The following ZNF362 variants were observed in gnomAD, a reference collection of about 807,000 sequenced individuals.
ZNF362 encodes the protein zinc finger protein 362.
In ZNF362, 11 loss-of-function variants were observed where a neutral mutation model predicts 42.9. The ratio of observed to expected loss-of-function variants is 0.26; its 90% CI spans 0.16 to 0.42. The LOEUF (loss-of-function observed/expected upper bound fraction) is 0.42, where lower values mean the gene tolerates loss of function less well. Ranked by LOEUF, ZNF362 falls within the 20% of genes least tolerant of loss-of-function variation. The probability of loss-of-function intolerance (pLI) is 1.00; values close to 1 mark genes in which losing one functional copy is unlikely to be tolerated. For missense variants in ZNF362, 362 were observed against 576.2 expected, an observed-to-expected ratio of 0.63 and a Z score of 3.81; for synonymous variants, 255 against 257.3, an observed-to-expected ratio of 0.99 and a Z score of 0.09.
At chr1:33,173,692 T>C in the ZNF362 span, among the ~76,000 whole-genome samples, 11 of 131,242 alleles carry the variant, frequency 8.4e-5, no homozygotes, top group African/African-American at 2.0e-4. Flanking sequence ...TTTTTTTTTT[T>C]CCCTAATTAA....
chr1:33,165,622 C>T, the ZNF362 span: 1 of 1,456,108 alleles, frequency 6.9e-7, no homozygotes, highest in Non-Finnish European at 9.3e-7. This position sits in a 1 kb window ranked among gnomAD's most constrained non-coding sequence, Gnocchi z 4.0. Flanking sequence ...CCCAGGCATT[C>T]AGCCCTGACC....
chr1:33,261,005 G>A (rs376075397), intron 1 of ZNF362, among the ~76,000 whole-genome samples: 1 of 152,110 alleles, frequency 6.6e-6, no homozygotes, highest in African/African-American at 2.4e-5. Context: ...CAGAGGGCTC[G>A]CTTTGTGCCA....
chr1:33,175,307 G>A, the ZNF362 span, among the ~76,000 whole-genome samples: 2 of 151,920 alleles, frequency 1.3e-5, no homozygotes, highest in Non-Finnish European at 2.9e-5. Context: ...CTCCTGAAGT[G>A]CTGGGATTAC....
At chr1:33,276,264 A>G (rs1416240036) in intron 3 of ZNF362, 84 bp from the exon 4 acceptor site, 16 of 1,571,322 alleles carry the variant, frequency 1.0e-5, no homozygotes, top group Non-Finnish European at 1.4e-5. Flanking sequence ...GTGAGGAGCG[A>G]GGGGCTCGCG....
chr1:33,187,154 A>G, the ZNF362 span, among the ~76,000 whole-genome samples: 1 of 152,174 alleles, frequency 6.6e-6, no homozygotes, highest in Non-Finnish European at 1.5e-5. Flanking sequence ...TTTATACACC[A>G]TGTTTGAGTG....
chr1:33,180,962 C>A, the ZNF362 span: 1 of 495,868 alleles, frequency 2.0e-6, no homozygotes, highest in Non-Finnish European at 3.6e-6. Flanking sequence ...CTGACCCCAC[C>A]CCCCGCCCGG....
At chr1:33,241,877 T>C in the ZNF362 span, among the ~76,000 whole-genome samples, 3 of 152,134 alleles carry the variant, frequency 2.0e-5, no homozygotes, top group African/African-American at 7.2e-5. Context: ...TGCCTGGCCC[T>C]GAAATTATTT....
At chr1:33,208,594 C>A in the ZNF362 span, among the ~76,000 whole-genome samples, 34 of 152,226 alleles carry the variant, frequency 2.2e-4, no homozygotes, top group Non-Finnish European at 2.6e-4. Context: ...TTTGTGTCCT[C>A]TTTTATTTTG....
At chr1:33,170,439 G>A in the ZNF362 span, among the ~76,000 whole-genome samples, 1 of 152,102 alleles carries the variant, frequency 6.6e-6, no homozygotes, top group Non-Finnish European at 1.5e-5. Flanking sequence ...GGGCTCTTGA[G>A]GGCAAGGACT....
At chr1:33,251,213 C>T in the ZNF362 span, among the ~76,000 whole-genome samples, 1 of 152,322 alleles carries the variant, frequency 6.6e-6, no homozygotes, top group Admixed American at 6.5e-5. Context: ...CCATGGTGAA[C>T]ATGCTGGGGA....
intron 4 of ZNF362, among the ~76,000 whole-genome samples, 172 bp from the exon 5 acceptor site, chr1:33,279,952 T>C (rs1645979171): frequency 6.6e-6 from 1 of 152,238 alleles, no homozygotes; most frequent in Non-Finnish European, 1.5e-5. Flanking sequence ...AATTTAATCT[T>C]AAGGTGTCTA....
At chr1:33,259,875 T>C (rs890170576) in intron 1 of ZNF362, among the ~76,000 whole-genome samples, 1 of 152,234 alleles carries the variant, frequency 6.6e-6, no homozygotes, top group Non-Finnish European at 1.5e-5. Flanking sequence ...GTCCTGAGAT[T>C]AGGTCCCATT....
chr1:33,136,695 C>T, the ZNF362 span, among the ~76,000 whole-genome samples: 1 of 151,302 alleles, frequency 6.6e-6, no homozygotes, highest in Non-Finnish European at 1.5e-5. Flanking sequence ...GGTTCCCCAA[C>T]AACTGTCTAT....
At chr1:33,164,950 A>G in the ZNF362 span, 1 of 108,170 alleles carries the variant, frequency 9.2e-6, no homozygotes, top group Non-Finnish European at 1.9e-5. Flanking sequence ...GCCTGGCTAT[A>G]TTCAATTTTT....
chr1:33,223,893 CAAA>C, the ZNF362 span, among the ~76,000 whole-genome samples: 6 of 85,416 alleles, frequency 7.0e-5, no homozygotes, highest in East Asian at 2.9e-4. Flanking sequence ...AACTCCATCT[CAAA>C]AAAAAAAAAA....
At chr1:33,187,339 T>A in the ZNF362 span, among the ~76,000 whole-genome samples, 1 of 152,222 alleles carries the variant, frequency 6.6e-6, no homozygotes, top group Non-Finnish European at 1.5e-5. Context: ...GCATTGACAG[T>A]ATGTGTCACA....
the ZNF362 span, among the ~76,000 whole-genome samples, chr1:33,207,259 G>A: frequency 6.6e-6 from 1 of 152,056 alleles, no homozygotes; most frequent in African/African-American, 2.4e-5. Context: ...CTTCATCCAC[G>A]TCCCTGCAAA....
At chr1:33,188,586 T>A in the ZNF362 span, among the ~76,000 whole-genome samples, 2 of 152,326 alleles carry the variant, frequency 1.3e-5, no homozygotes, top group East Asian at 1.9e-4. Flanking sequence ...TGGCACCATG[T>A]GGCTGGGTGC....
chr1:33,145,695 T>A, the ZNF362 span: 2 of 345,494 alleles, frequency 5.8e-6, no homozygotes, highest in Non-Finnish European at 1.2e-5. Context: ...ACATTTAGGC[T>A]CAGTCTTGCA....
Sources: gnomAD v4.1 joint callset for allele counts (sites outside exome capture counted in the v4.1 genomes callset) on GRCh38, gnomAD v4.1.1 for gene constraint, Gnocchi (gnomAD v3.1) non-coding constraint, MANE v1.5 for transcripts, NCBI Gene and HGNC (gene_info 2026-07-23, HGNC 2026-07-21) for gene names.